The following LRP1B variants were observed in gnomAD, a reference collection of about 807,000 sequenced individuals.
LRP1B encodes the protein LDL receptor related protein 1B.
Under a neutral mutation model 556.6 loss-of-function variants are expected in LRP1B, and 217 were observed. That is an observed-to-expected ratio of 0.39 (90% confidence interval 0.35 to 0.44). The LOEUF (loss-of-function observed/expected upper bound fraction) is 0.44, where lower values mean the gene tolerates loss of function less well. Ranked by LOEUF, LRP1B falls within the 20% of genes least tolerant of loss-of-function variation. The pLI is 1.00. For missense variants in LRP1B, 5,053 were observed against 5,620.8 expected, an observed-to-expected ratio of 0.90 and a Z score of 3.23; for synonymous variants, 2,047 against 1,865.8, an observed-to-expected ratio of 1.10 and a Z score of -2.50.
intron 84 of LRP1B, among the ~76,000 whole-genome samples, chr2:140,276,265 T>C (rs1682668854): frequency 6.6e-6 from 1 of 152,014 alleles, no homozygotes; most frequent in Non-Finnish European, 1.5e-5. Context: ...ATTAAATTTA[T>C]TGACAGACTT....
At chr2:140,590,588 C>T (rs1234944337) in intron 43 of LRP1B, among the ~76,000 whole-genome samples, 1 of 151,616 alleles carries the variant, frequency 6.6e-6, no homozygotes, top group African/African-American at 2.4e-5. Flanking sequence ...CTCCCCAGCC[C>T]CCAACCCAGT....
intron 11 of LRP1B, among the ~76,000 whole-genome samples, chr2:141,042,084 G>A (rs1302338525): frequency 6.6e-6 from 1 of 152,094 alleles, no homozygotes; most frequent in East Asian, 1.9e-4. Flanking sequence ...CTGAGACAAT[G>A]TTCCAAGGTT....
chr2:141,431,055 G>A (rs540191841), intron 3 of LRP1B, among the ~76,000 whole-genome samples: 1 of 152,102 alleles, frequency 6.6e-6, no homozygotes, highest in East Asian at 1.9e-4. Context: ...AGTACTGCTT[G>A]AGCCCAGGAG....
At chr2:140,276,578 C>T (rs1344205460) in intron 84 of LRP1B, among the ~76,000 whole-genome samples, 1 of 151,850 alleles carries the variant, frequency 6.6e-6, no homozygotes, top group Non-Finnish European at 1.5e-5. Flanking sequence ...AGGACAGCCT[C>T]CCATTCAATG....
At chr2:140,373,462 C>T (rs1683081875) in intron 68 of LRP1B, among the ~76,000 whole-genome samples, 1 of 152,034 alleles carries the variant, frequency 6.6e-6, no homozygotes, top group South Asian at 2.1e-4. Flanking sequence ...TCATTTGTCC[C>T]TGTGAGTCAT....
chr2:140,909,718 T>C (rs1026432489), intron 21 of LRP1B, among the ~76,000 whole-genome samples: 7 of 151,116 alleles, frequency 4.6e-5, no homozygotes, highest in Middle Eastern at 8.3e-3. Context: ...ACGTTGTTAA[T>C]ATAATCATAT....
chr2:141,432,232 T>G (rs906502168), intron 3 of LRP1B, among the ~76,000 whole-genome samples: 6 of 152,110 alleles, frequency 3.9e-5, no homozygotes, highest in South Asian at 2.1e-4. Context: ...TACCCTTTAT[T>G]CTATTAATAT....
intron 21 of LRP1B, among the ~76,000 whole-genome samples, chr2:140,920,221 G>A (rs961424336): frequency 1.3e-5 from 2 of 151,896 alleles, no homozygotes; most frequent in African/African-American, 2.4e-5. Context: ...GAACAGATGC[G>A]GCACAATGCA....
chr2:140,698,166 C>T (rs1686503564), intron 41 of LRP1B, among the ~76,000 whole-genome samples: 1 of 151,846 alleles, frequency 6.6e-6, no homozygotes, highest in Non-Finnish European at 1.5e-5. Context: ...GCATTTCAAT[C>T]ATACCAAATG....
rs552677177 is a variant in LRP1B at position 141,082,177 on chromosome 2, G to A, written c.1014-19904C>T. ...TAATTGAAAAGAAATAGCACACTGA[G>A]AATCTCCAAGTTATGCAAAGATACT... On this transcript the variant is annotated intron_variant, in intron 7 of 90. Transcript: ENST00000389484. Among the ~76,000 whole-genome samples, 18 of 152,262 alleles carry A rather than the reference G, an allele frequency of 1.2e-4. No homozygotes were observed. The South Asian group carries it at 3.7e-3, about 32-fold the overall frequency.
chr2:141,323,995 TCA>T (rs57960872), intron 3 of LRP1B, among the ~76,000 whole-genome samples: 8 of 107,316 alleles, frequency 7.5e-5, no homozygotes, highest in South Asian at 3.5e-4. Flanking sequence ...AGCAAGGAAA[TCA>T]CACACACACA....
chr2:140,781,063 G>C (rs907457523), intron 32 of LRP1B, among the ~76,000 whole-genome samples: 3 of 152,140 alleles, frequency 2.0e-5, no homozygotes, highest in Non-Finnish European at 4.4e-5. Context: ...ACCACACTCT[G>C]TTCACACATA....
At chr2:141,353,084 T>C (rs534887160) in intron 3 of LRP1B, among the ~76,000 whole-genome samples, 3 of 152,072 alleles carry the variant, frequency 2.0e-5, no homozygotes, top group Admixed American at 6.6e-5. Context: ...GTGAGTCATG[T>C]CATAAGTCAA....
intron 7 of LRP1B, among the ~76,000 whole-genome samples, chr2:141,165,657 A>C (rs1680221040): frequency 6.6e-6 from 1 of 152,032 alleles, no homozygotes; most frequent in African/African-American, 2.4e-5. Context: ...TAATCAGTTA[A>C]AGTATAATTG....
chr2:141,931,794 C>A (rs1046460168), intron 1 of LRP1B, among the ~76,000 whole-genome samples: 3 of 151,926 alleles, frequency 2.0e-5, no homozygotes, highest in Admixed American at 6.6e-5. Context: ...AACCTGATTT[C>A]AAAATGCGTG....
At chr2:141,387,984 T>A (rs901415849) in intron 3 of LRP1B, among the ~76,000 whole-genome samples, 1 of 152,140 alleles carries the variant, frequency 6.6e-6, no homozygotes, top group South Asian at 2.1e-4. Flanking sequence ...GCAATGACCA[T>A]GTGGGATTTA....
At chr2:141,139,516 A>C (rs184259667) in intron 7 of LRP1B, among the ~76,000 whole-genome samples, 3 of 152,030 alleles carry the variant, frequency 2.0e-5, no homozygotes, top group African/African-American at 2.4e-5. Context: ...AGAAAAAAAA[A>C]TTATCCTACA....
intron 32 of LRP1B, among the ~76,000 whole-genome samples, chr2:140,793,124 T>C (rs1690180518): frequency 6.6e-6 from 1 of 152,006 alleles, no homozygotes; most frequent in African/African-American, 2.4e-5. Context: ...ATGACATAAA[T>C]TTTAGCCATT....
At chr2:141,814,694 G>C (rs576007165) in intron 1 of LRP1B, among the ~76,000 whole-genome samples, 1 of 152,290 alleles carries the variant, frequency 6.6e-6, no homozygotes, top group South Asian at 2.1e-4. Context: ...TTATGGGATG[G>C]TTTGGAGACA....
Sources: allele counts gnomAD v4.1 joint callset (sites outside exome capture counted in the v4.1 genomes callset), GRCh38; gene constraint gnomAD v4.1.1; transcripts MANE v1.5; gene names NCBI Gene and HGNC (gene_info 2026-07-23, HGNC 2026-07-21).